Variants in PDK1 observed in about 807,000 individuals in gnomAD.
PDK1 encodes pyruvate dehydrogenase kinase 1.
PDK1 carries 39 observed loss-of-function variants against 54.2 expected under a neutral mutation model. The ratio of observed to expected loss-of-function variants is 0.72; its 90% CI spans 0.56 to 0.94. The LOEUF (loss-of-function observed/expected upper bound fraction) is 0.94. Among genes scored for constraint, PDK1 ranks in the 40% least tolerant of loss-of-function variants. The pLI is 0.00. For missense variants in PDK1, 552 were observed against 566.0 expected, an observed-to-expected ratio of 0.98 and a Z score of 0.25; for synonymous variants, 221 against 207.1, an observed-to-expected ratio of 1.07 and a Z score of -0.58.
At chr2:172,645,690 G>A in the PDK1 span, among the ~76,000 whole-genome samples, 1 of 152,166 alleles carries the variant, frequency 6.6e-6, no homozygotes, top group Non-Finnish European at 1.5e-5. Flanking sequence ...TGTGTCTAGA[G>A]GACAGGACAA....
At chr2:172,611,806 A>G (rs1311211645), downstream of PDK1, among the ~76,000 whole-genome samples, 2 of 152,268 alleles carry the variant, frequency 1.3e-5, no homozygotes, top group East Asian at 1.9e-4. Context: ...GATAATATCA[A>G]TTGACATAGA....
the PDK1 span, among the ~76,000 whole-genome samples, chr2:172,681,920 G>C: frequency 1.3e-5 from 2 of 152,116 alleles, no homozygotes; most frequent in African/African-American, 4.8e-5. Context: ...ACCACACCCG[G>C]CTAATTTTTG....
chr2:172,558,204 A>G (rs1037909736), intron 1 of PDK1: 1 of 152,442 alleles, frequency 6.6e-6, no homozygotes, highest in African/African-American at 2.4e-5. Flanking sequence ...AGAAATCTGT[A>G]ACCGGTTGTG....
the PDK1 span, chr2:172,677,257 T>G: frequency 2.6e-5 from 4 of 152,232 alleles, no homozygotes; most frequent in African/African-American, 9.6e-5. Flanking sequence ...TTGCAGCAAG[T>G]AGCATTTTTG....
the PDK1 span, among the ~76,000 whole-genome samples, chr2:172,701,178 C>T: frequency 1.9e-4 from 29 of 152,196 alleles, no homozygotes; most frequent in Non-Finnish European, 3.7e-4. Flanking sequence ...TTCCATCTTC[C>T]TCACCCACCA....
chr2:172,556,205 C>A lies in PDK1; in HGVS notation c.55C>A (p.Leu19Met), dbSNP rs772060346. The A allele has an allele frequency of 4.2e-6, 6 of 1,417,254 alleles. No homozygotes were observed. The highest frequency in any genetic ancestry group is 2.4e-4 in the Middle Eastern group (1 of 4,112). The allele number at this position is 1,417,254 out of a possible 1,614,324, so 87.8% of individuals were successfully genotyped here. Residue 19 changes from leucine to methionine, a missense_variant, in exon 1 of 11, where the codon CTG becomes ATG. Physicochemically the swap from Leu to Met is conservative, Grantham distance 15 (BLOSUM62 2). Coordinates refer to ENST00000282077, the MANE Select transcript of PDK1 (RefSeq NM_002610.5). Reference sequence around the variant, plus strand: ...CGCCTTGGCCGGCCCGGGCCCGGGGCTGCGCGCCGCCGGCTTCAGCCGCAG... The same window carrying A: ...CGCCTTGGCCGGCCCGGGCCCGGGGATGCGCGCCGCCGGCTTCAGCCGCAG... ...GAALAGPGPG[L>M]RAAGFSRSFS...
chr2:172,614,127 A>G, the PDK1 span, among the ~76,000 whole-genome samples: 1 of 149,820 alleles, frequency 6.7e-6, no homozygotes, highest in African/African-American at 2.5e-5. Flanking sequence ...CAGGTGTAGA[A>G]CCCGGGAATC....
chr2:172,622,370 A>G, the PDK1 span, among the ~76,000 whole-genome samples: 1 of 145,892 alleles, frequency 6.9e-6, no homozygotes, highest in Non-Finnish European at 1.5e-5. Flanking sequence ...TTTATATCAT[A>G]TATTATGTGA....
At chr2:172,578,464 C>T (rs532658689) in intron 8 of PDK1, among the ~76,000 whole-genome samples, 1 of 151,966 alleles carries the variant, frequency 6.6e-6, no homozygotes, top group East Asian at 1.9e-4. Flanking sequence ...CATTTTATTG[C>T]CCTATATTTT....
chr2:172,712,563 G>T, the PDK1 span, among the ~76,000 whole-genome samples: 21 of 152,332 alleles, frequency 1.4e-4, no homozygotes, highest in Admixed American at 1.2e-3. Flanking sequence ...CGGCATGAGT[G>T]CTGGCTTCCT....
chr2:172,573,125 G>A (rs996505039), intron 8 of PDK1, among the ~76,000 whole-genome samples: 1 of 152,122 alleles, frequency 6.6e-6, no homozygotes, highest in Non-Finnish European at 1.5e-5. Context: ...GAATTGAATT[G>A]CTGAATCATA....
chr2:172,592,396 A>C, intron 9 of PDK1, among the ~76,000 whole-genome samples: 1 of 138,648 alleles, frequency 7.2e-6, no homozygotes, highest in Non-Finnish European at 1.6e-5. Flanking sequence ...TCTCTCTCTG[A>C]CTCCCTCTTT....
chr2:172,588,353 T>C (rs1307985374), intron 9 of PDK1, among the ~76,000 whole-genome samples: 1 of 152,222 alleles, frequency 6.6e-6, no homozygotes, highest in African/African-American at 2.4e-5. Context: ...CTGTTTCTGA[T>C]ACTGCTGCAT....
the PDK1 span, among the ~76,000 whole-genome samples, chr2:172,669,628 A>G: frequency 6.6e-6 from 1 of 152,182 alleles, no homozygotes; most frequent in Non-Finnish European, 1.5e-5. Flanking sequence ...GTACTAATTT[A>G]CAATACCAGT....
At chr2:172,561,583 G>A (rs1428147922) in intron 2 of PDK1, among the ~76,000 whole-genome samples, 1 of 152,232 alleles carries the variant, frequency 6.6e-6, no homozygotes, top group African/African-American at 2.4e-5. Context: ...TTGCCTGCAA[G>A]ACCATCAGAA....
intron 8 of PDK1, among the ~76,000 whole-genome samples, chr2:172,579,505 AC>A (rs940555032): frequency 3.1e-5 from 4 of 129,154 alleles, no homozygotes; most frequent in African/African-American, 8.8e-5. Context: ...TGATTTTTGC[AC>A]CCCCCTCCCC....
chr2:172,626,527 C>T, the PDK1 span, among the ~76,000 whole-genome samples: 1 of 152,164 alleles, frequency 6.6e-6, no homozygotes, highest in Non-Finnish European at 1.5e-5. Flanking sequence ...GGCACAGTGG[C>T]TCACACCTGT....
the PDK1 span, among the ~76,000 whole-genome samples, chr2:172,703,795 G>C: frequency 1.5e-5 from 1 of 66,844 alleles, no homozygotes; most frequent in African/African-American, 7.7e-5. Context: ...TTTTGATAGA[G>C]TCTCGCTCTA....
the PDK1 span, among the ~76,000 whole-genome samples, chr2:172,660,027 G>A: frequency 0.052 from 7,894 of 152,050 alleles, 454 homozygotes; most frequent in African/African-American, 0.14. Context: ...CTGCATGGGG[G>A]TTCTGCTAAT....
Sources: allele counts gnomAD v4.1 joint callset (sites outside exome capture counted in the v4.1 genomes callset), GRCh38; gene constraint gnomAD v4.1.1; transcripts MANE v1.5; gene names NCBI Gene and HGNC (gene_info 2026-07-23, HGNC 2026-07-21).